The following ADAMTS17 variants were observed in gnomAD, a reference collection of about 807,000 sequenced individuals.
ADAMTS17 encodes ADAM metallopeptidase with thrombospondin type 1 motif 17.
ADAMTS17 carries 113 observed loss-of-function variants against 141.5 expected under a neutral mutation model. The ratio of observed to expected loss-of-function variants is 0.80; its 90% CI spans 0.69 to 0.93. The LOEUF is 0.93. ADAMTS17 is among the 40% of genes least tolerant of loss of function. The pLI is 0.00. For synonymous variants in ADAMTS17, 768 were observed against 630.6 expected (o/e 1.22, Z -3.27); for missense variants, 1,659 against 1,517.9 (o/e 1.09, Z -1.54).
intron 15 of ADAMTS17, among the ~76,000 whole-genome samples, chr15:100,075,205 T>C (rs1439551460): frequency 1.3e-5 from 2 of 152,200 alleles, no homozygotes; most frequent in Non-Finnish European, 2.9e-5. Context: ...CATTTTGACA[T>C]TGTATTAGTT....
At chr15:100,240,127 C>G (rs925055693) in intron 7 of ADAMTS17, among the ~76,000 whole-genome samples, 12 of 152,194 alleles carry the variant, frequency 7.9e-5, no homozygotes, top group Non-Finnish European at 1.6e-4. Context: ...CCAGCTGCTG[C>G]TCAGGAGGGG....
In ADAMTS17 at chr15:100,330,989, T is replaced by C. The variant is rs750298943; in HGVS notation, c.516A>G (p.Pro172=). The change falls in exon 3 of 22, where the codon CCA becomes CCG. Residue 172 remains proline, a synonymous_variant. Coordinates refer to ENST00000268070, the MANE Select transcript of ADAMTS17 (RefSeq NM_139057.4). ...TGATCAGATGTTCTCGTCCACTGAA[T>C]GGGCCCTGGGAGTTGTTGAGGGGCT... ...LIQPLNNSQG[P]FSGREHLIRR... 1.1e-5 allele frequency: 18 copies of C among 1,614,162 alleles called. No individual in the cohort carries two copies. The highest frequency in any genetic ancestry group is 1.4e-5 in the Non-Finnish European group (16 of 1,180,038).
chr15:99,995,324 T>C (rs1006907535), intron 19 of ADAMTS17, among the ~76,000 whole-genome samples: 2 of 152,224 alleles, frequency 1.3e-5, no homozygotes, highest in African/African-American at 4.8e-5. Context: ...GCCTGGCCTC[T>C]ATTTTGCATT....
intron 2 of ADAMTS17, among the ~76,000 whole-genome samples, chr15:100,336,476 A>G (rs1299926145): frequency 6.6e-6 from 1 of 152,184 alleles, no homozygotes; most frequent in Non-Finnish European, 1.5e-5. Flanking sequence ...AGTGCCCCTT[A>G]ACATCCACTC....
At chr15:100,061,026 G>A (rs557686609) in intron 15 of ADAMTS17, among the ~76,000 whole-genome samples, 70 of 152,294 alleles carry the variant, frequency 4.6e-4, no homozygotes, top group African/African-American at 1.5e-3. Flanking sequence ...GGTAAGATAA[G>A]GCAGGAAGCC....
rs2035643718 is a variant in ADAMTS17, at chr15:100,094,444, AG to A, written c.2137+1911del. On this transcript the variant is annotated intron_variant, in intron 15 of 21. Transcript: ENST00000268070. ...TGTGGCCAGATGAACAGGTCTGCCT[AG>A]GTCAAATCAAGGGCTGGTATACAGA... Among the ~76,000 whole-genome samples the A allele has an allele frequency of 2.0e-5, 3 of 152,266 alleles. No individual in the cohort carries two copies. In the South Asian group the frequency reaches 6.2e-4, roughly 31 times the overall value.
In ADAMTS17 at chr15:100,335,008, C is replaced by T. The variant is rs1596548106; in HGVS notation, c.451-3954G>A. On this transcript the variant is annotated intron_variant, in intron 2 of 21. Transcript: ENST00000268070. Reference sequence around the variant, plus strand: ...CCCATACGGCTAGCCCCAGGATTCCCCAACTACCCATCCTCCATCGCCTCT... The same window carrying T: ...CCCATACGGCTAGCCCCAGGATTCCTCAACTACCCATCCTCCATCGCCTCT... 2.6e-5 allele frequency among the ~76,000 whole-genome samples: 4 copies of T among 152,212 alleles called. No individual in the cohort carries two copies. In the South Asian group the frequency reaches 8.3e-4, roughly 32 times the overall value.
intron 6 of ADAMTS17, among the ~76,000 whole-genome samples, chr15:100,254,579 T>C (rs557579787): frequency 7.9e-5 from 12 of 152,328 alleles, no homozygotes; most frequent in South Asian, 4.1e-4. Context: ...CAACTGGTTT[T>C]TGATGCTGTA....
intron 10 of ADAMTS17, among the ~76,000 whole-genome samples, chr15:100,133,715 C>A (rs1277692900): frequency 6.6e-6 from 1 of 152,182 alleles, no homozygotes. Context: ...CTAACCAAAC[C>A]TCATCAGGGA....
At chr15:100,317,989 G>A (rs1021503331) in intron 3 of ADAMTS17, among the ~76,000 whole-genome samples, 16 of 152,094 alleles carry the variant, frequency 1.1e-4, no homozygotes, top group South Asian at 2.1e-4. Flanking sequence ...GTAGCGACCC[G>A]AATGCCAGAG....
At chr15:100,210,120 A>G (rs1455144129) in intron 7 of ADAMTS17, among the ~76,000 whole-genome samples, 1 of 149,664 alleles carries the variant, frequency 6.7e-6, no homozygotes, top group Non-Finnish European at 1.5e-5. Flanking sequence ...TGTCCCAGCC[A>G]CTCAGGAGGC....
At chr15:100,299,755 C>A (rs2044962701) in intron 3 of ADAMTS17, among the ~76,000 whole-genome samples, 1 of 152,180 alleles carries the variant, frequency 6.6e-6, no homozygotes, top group South Asian at 2.1e-4. Context: ...TCCACCTATG[C>A]AAAGGGGCCA....
chr15:100,137,804 CCCACCCTTTCACTACCAACAT>C (rs1161049397), intron 10 of ADAMTS17, among the ~76,000 whole-genome samples: 14 of 152,278 alleles, frequency 9.2e-5, no homozygotes, highest in Non-Finnish European at 1.2e-4. Flanking sequence ...AACACCAACA[CCCACCCTTTCACTACCAACAT>C]CCACCCTTTC....
At chr15:100,167,446 C>T (rs146265753) in intron 8 of ADAMTS17, among the ~76,000 whole-genome samples, 3,188 of 152,264 alleles carry the variant, frequency 0.021, 131 homozygotes, top group East Asian at 0.18. Flanking sequence ...CGGATGCCGT[C>T]ATCCGTGAAA....
intron 8 of ADAMTS17, among the ~76,000 whole-genome samples, chr15:100,170,986 C>T (rs2040137597): frequency 6.6e-6 from 1 of 152,154 alleles, no homozygotes; most frequent in Admixed American, 6.5e-5. Context: ...TGAGCCCATC[C>T]CCCACACCAG....
chr15:100,146,953 A>T (rs970105099), intron 10 of ADAMTS17, among the ~76,000 whole-genome samples: 1 of 152,178 alleles, frequency 6.6e-6, no homozygotes, highest in Non-Finnish European at 1.5e-5. Context: ...AGATGTTATC[A>T]ATGACAGTGG....
rs1256182209 is a variant in ADAMTS17 at position 100,132,062 on chromosome 15, T to C, written c.1666A>G (p.Ser556Gly). 1.9e-6 allele frequency: 3 copies of C among 1,613,798 alleles called. No individual in the cohort carries two copies. Among genetic ancestry groups the C allele is most frequent in the South Asian group, 2.2e-5 (2 of 91,066 alleles). Residue 556 changes from serine to glycine, a missense_variant, in exon 12 of 22, where the codon AGC becomes GGC. By Grantham distance (56) the Ser-to-Gly change is moderately conservative. Transcript: ENST00000268070. ...CGGGCTCCCGTCCCACATGTTCGGC[T>C]GCACATGCTCCAGGCGCCCCACGGG... is the stretch of plus-strand genomic sequence containing the variant. ...WSPWGAWSMC[S>G]RTCGTGARFR...
chr15:100,216,003 G>T (rs763034116), intron 7 of ADAMTS17, among the ~76,000 whole-genome samples: 2 of 152,196 alleles, frequency 1.3e-5, no homozygotes, highest in African/African-American at 4.8e-5. Context: ...GCCACAGGGA[G>T]ATTTCTCTTT....
chr15:100,029,797 T>C (rs924207433), intron 18 of ADAMTS17, among the ~76,000 whole-genome samples: 30 of 152,366 alleles, frequency 2.0e-4, no homozygotes, highest in African/African-American at 6.3e-4. Context: ...CCATGCTTTC[T>C]GAGTTAAAAT....
Sources: allele counts gnomAD v4.1 joint callset (sites outside exome capture counted in the v4.1 genomes callset), GRCh38; gene constraint gnomAD v4.1.1; transcripts MANE v1.5; gene names NCBI Gene and HGNC (gene_info 2026-07-23, HGNC 2026-07-21).